Variants in ITIH5 observed in about 807,000 individuals in gnomAD.
ITIH5 encodes the protein inter-alpha-trypsin inhibitor heavy chain 5.
In ITIH5, 65 loss-of-function variants were observed where a neutral mutation model predicts 77.5. The observed-to-expected ratio is 0.84, with a 90% CI of 0.69 to 1.03. The LOEUF (loss-of-function observed/expected upper bound fraction) is 1.03. Among genes scored for constraint, ITIH5 ranks in the 50% least tolerant of loss-of-function variants. The probability of loss-of-function intolerance (pLI) is 0.00; values close to 1 mark genes in which losing one functional copy is unlikely to be tolerated. For synonymous variants in ITIH5, 525 were observed against 494.3 expected (o/e 1.06, Z -0.82); for missense variants, 1,208 against 1,213.1 (o/e 1.00, Z 0.06).
In ITIH5 at chr10:7,626,639, C is replaced by T. The variant is rs181077537; in HGVS notation, c.653-9357G>A. ...CAGCCCTTTAATAGGCAGAGTTGCC[C>T]GATTTAGCAAATTACAATACAGAAT... On this transcript the variant is annotated intron_variant, in intron 5 of 13. Coordinates refer to ENST00000397146, the MANE Select transcript of ITIH5 (RefSeq NM_030569.7). Among the ~76,000 whole-genome samples, 558 of 152,202 alleles carry T rather than the reference C, an allele frequency of 3.7e-3. 4 individuals are homozygous for T. The highest frequency in any genetic ancestry group is 0.012 in the African/African-American group (513 of 41,520).
intron 5 of ITIH5, among the ~76,000 whole-genome samples, chr10:7,633,802 C>A (rs1325600557): frequency 6.6e-6 from 1 of 151,996 alleles, no homozygotes; most frequent in Non-Finnish European, 1.5e-5. Context: ...AAAATGGGTC[C>A]GTGGTGGCCG....
At position 7,586,563 on chromosome 10, in the gene ITIH5, C is replaced by T. The variant is rs1832684268; in HGVS notation, c.940-494G>A. On this transcript the variant is annotated intron_variant, in intron 7 of 13. Transcript: ENST00000397146. ...ACGATGATGATTGTTTTATCTCCTT[C>T]CCTTACTCGGTTGTGAGTTCTTTGC... Among the ~76,000 whole-genome samples, 3 of 152,308 alleles carry T rather than the reference C, an allele frequency of 2.0e-5. No individual in the cohort carries two copies. The South Asian group carries it at 6.2e-4, about 32-fold the overall frequency.
chr10:7,581,842 A>G (rs1314601595), intron 8 of ITIH5, among the ~76,000 whole-genome samples: 1 of 142,040 alleles, frequency 7.0e-6, no homozygotes, highest in Non-Finnish European at 1.5e-5. Flanking sequence ...GACTACAGGC[A>G]TGAGCCACCA....
chr10:7,652,574 T>C (rs1406505482), intron 2 of ITIH5, among the ~76,000 whole-genome samples: 1 of 152,176 alleles, frequency 6.6e-6, no homozygotes, highest in Non-Finnish European at 1.5e-5. Context: ...ACTTTCAAAA[T>C]TCTAAGAAAT....
At chr10:7,659,134 C>T (rs985534351) in intron 1 of ITIH5, among the ~76,000 whole-genome samples, 9 of 152,024 alleles carry the variant, frequency 5.9e-5, no homozygotes, top group South Asian at 2.1e-4. Context: ...CCCAGCACTC[C>T]GGGAGGCTGT....
intron 7 of ITIH5, among the ~76,000 whole-genome samples, chr10:7,587,436 A>T (rs2130980168): frequency 6.6e-6 from 1 of 152,320 alleles, no homozygotes; most frequent in African/African-American, 2.4e-5. Context: ...GACATCCGGC[A>T]CCTTTACGAA....
intron 1 of ITIH5, among the ~76,000 whole-genome samples, chr10:7,659,233 G>T (rs887634896): frequency 7.9e-5 from 12 of 152,084 alleles, no homozygotes; most frequent in African/African-American, 2.2e-4. Flanking sequence ...ACAAAAATTA[G>T]CTGGGCGTCG....
chr10:7,624,516 C>G (rs1009334749), intron 5 of ITIH5, among the ~76,000 whole-genome samples: 1 of 147,942 alleles, frequency 6.8e-6, no homozygotes, highest in Non-Finnish European at 1.5e-5. Flanking sequence ...TCAAAACAAA[C>G]AAACAAACAT....
At chr10:7,605,769 T>TTCCACTTTTGTTA (rs148424609) in intron 7 of ITIH5, among the ~76,000 whole-genome samples, 26 of 152,082 alleles carry the variant, frequency 1.7e-4, no homozygotes, top group Middle Eastern at 3.4e-3. Flanking sequence ...TGATAAGCAC[T>TTCCACTTTTGTTA]TCTCATTTAA....
chr10:7,600,777 C>T (rs905208365), intron 7 of ITIH5, among the ~76,000 whole-genome samples: 2 of 152,086 alleles, frequency 1.3e-5, no homozygotes, highest in African/African-American at 4.8e-5. Flanking sequence ...AAATTAGAGC[C>T]CTCATGGTTG....
In ITIH5 at chr10:7,642,104, AACAC is replaced by A. The variant is rs1833900012; in HGVS notation, c.136-18_136-15del. 6 of 1,611,730 alleles carry A rather than the reference AACAC, an allele frequency of 3.7e-6. No homozygotes were observed. The highest frequency in any genetic ancestry group is 5.1e-6 in the Non-Finnish European group (6 of 1,178,166). ...AGGTTTGGTTTTCTGTAGGAATGAA[AACAC>A]ACAGTATCATCGGTGATGCATGAAA... On this transcript the variant is annotated splice_polypyrimidine_tract_variant and intron_variant, in intron 2 of 13. Coordinates refer to ENST00000397146, the MANE Select transcript of ITIH5 (RefSeq NM_030569.7).
intron 8 of ITIH5, among the ~76,000 whole-genome samples, chr10:7,581,721 C>CTTTTTTTTTTTTTT: frequency 9.8e-6 from 1 of 101,724 alleles, no homozygotes; most frequent in Non-Finnish European, 1.9e-5. Flanking sequence ...TCTTTTCCTT[C>CTTTTTTTTTTTTTT]TTTTTTTTTT....
intron 2 of ITIH5, among the ~76,000 whole-genome samples, chr10:7,646,813 G>C (rs752436788): frequency 2.0e-5 from 3 of 152,158 alleles, no homozygotes; most frequent in Non-Finnish European, 4.4e-5. Context: ...AGGCTTTACC[G>C]GTCACCTGGT....
chr10:7,595,916 G>A (rs778452318), intron 7 of ITIH5, among the ~76,000 whole-genome samples: 6 of 152,168 alleles, frequency 3.9e-5, no homozygotes, highest in Non-Finnish European at 7.3e-5. Context: ...GCTGAAGCAG[G>A]AGAATCGCTT....
intron 11 of ITIH5, chr10:7,571,738 C>G (rs1832303361): frequency 6.5e-6 from 1 of 154,222 alleles, no homozygotes; most frequent in Non-Finnish European, 1.4e-5. Flanking sequence ...TTTAAATCAT[C>G]TCTAGTTTAC....
At chr10:7,587,943 CCCTCT>C (rs1832716070) in intron 7 of ITIH5, among the ~76,000 whole-genome samples, 2 of 152,234 alleles carry the variant, frequency 1.3e-5, no homozygotes, top group African/African-American at 4.8e-5. Context: ...CGTATCCTTT[CCCTCT>C]GGAATTTTCT....
At chr10:7,595,666 T>G (rs184656348) in intron 7 of ITIH5, among the ~76,000 whole-genome samples, 4 of 152,266 alleles carry the variant, frequency 2.6e-5, no homozygotes, top group Non-Finnish European at 5.9e-5. Context: ...GTAAGTCCTT[T>G]AATTTCTTTC....
chr10:7,627,056 C>T (rs970842641), intron 5 of ITIH5, among the ~76,000 whole-genome samples: 6 of 152,136 alleles, frequency 3.9e-5, no homozygotes, highest in South Asian at 4.1e-4. Context: ...CAAGTGTCTA[C>T]GAAGACAACC....
At chr10:7,650,168 G>C (rs1444916957) in intron 2 of ITIH5, among the ~76,000 whole-genome samples, 1 of 152,214 alleles carries the variant, frequency 6.6e-6, no homozygotes, top group African/African-American at 2.4e-5. Context: ...AGTCACCCAA[G>C]ATGCCATCTG....
Sources: gnomAD v4.1 joint callset for allele counts (sites outside exome capture counted in the v4.1 genomes callset) on GRCh38, gnomAD v4.1.1 for gene constraint, MANE v1.5 for transcripts, NCBI Gene and HGNC (gene_info 2026-07-23, HGNC 2026-07-21) for gene names.